VAV3: variants seen among roughly 807,000 people sequenced by gnomAD.
The protein encoded by VAV3 is vav guanine nucleotide exchange factor 3, also known as guanine nucleotide exchange factor VAV3.
A neutral mutation model predicts 131.2 loss-of-function variants in VAV3; 94 were observed. That is an observed-to-expected ratio of 0.72 (90% CI 0.61 to 0.85). VAV3 has a LOEUF of 0.85. Ranked by LOEUF, VAV3 falls within the 40% of genes least tolerant of loss-of-function variation. The probability of loss-of-function intolerance (pLI) is 0.00; values close to 1 mark genes in which losing one functional copy is unlikely to be tolerated. For missense variants in VAV3, 939 were observed against 1,002.7 expected (o/e 0.94, Z 0.86); for synonymous variants, 349 against 342.0 (o/e 1.02, Z -0.22).
intron 15 of VAV3, among the ~76,000 whole-genome samples, chr1:107,741,311 G>T (rs546715467): frequency 2.6e-5 from 4 of 152,340 alleles, no homozygotes; most frequent in African/African-American, 9.6e-5. Flanking sequence ...ATTTTGAATT[G>T]CTGGGTAACA....
At chr1:107,743,438 A>C (rs991054811) in intron 15 of VAV3, among the ~76,000 whole-genome samples, 9 of 152,208 alleles carry the variant, frequency 5.9e-5, no homozygotes, top group Non-Finnish European at 1.2e-4. Context: ...TTGATCCTTA[A>C]GTAAATGGGG....
chr1:107,899,389 A>G (rs1452878552), intron 1 of VAV3, among the ~76,000 whole-genome samples: 1 of 152,174 alleles, frequency 6.6e-6, no homozygotes, highest in Non-Finnish European at 1.5e-5. Flanking sequence ...AAGGTGCTGA[A>G]TAAGATGTGG....
chr1:107,655,063 C>T (rs536290694), intron 19 of VAV3, among the ~76,000 whole-genome samples: 22 of 151,912 alleles, frequency 1.4e-4, no homozygotes, highest in Non-Finnish European at 3.1e-4. Context: ...TTTATTTCTG[C>T]CTCATTTCTC....
chr1:107,577,042 A>G (rs1474662522), intron 25 of VAV3, among the ~76,000 whole-genome samples: 2 of 152,198 alleles, frequency 1.3e-5, no homozygotes, highest in Non-Finnish European at 2.9e-5. Context: ...CATCCTCCAC[A>G]TTGTAGAGAT....
chr1:107,848,086 G>A (rs762614996), intron 2 of VAV3, among the ~76,000 whole-genome samples: 23 of 152,048 alleles, frequency 1.5e-4, no homozygotes, highest in Non-Finnish European at 2.6e-4. Context: ...GGCTGAGGAG[G>A]GTGAATTGCA....
intron 1 of VAV3, among the ~76,000 whole-genome samples, chr1:107,950,266 A>T (rs1674471906): frequency 6.6e-6 from 1 of 152,250 alleles, no homozygotes; most frequent in Non-Finnish European, 1.5e-5. Context: ...ATCAGAAGGC[A>T]AAAATGTGCA....
chr1:107,873,282 T>C (rs1670334233), intron 2 of VAV3, among the ~76,000 whole-genome samples: 1 of 152,160 alleles, frequency 6.6e-6, no homozygotes, highest in Admixed American at 6.6e-5. Context: ...AACACCACCA[T>C]GCATTTTAAA....
intron 1 of VAV3, among the ~76,000 whole-genome samples, chr1:107,932,804 A>G (rs1383453026): frequency 6.6e-6 from 1 of 152,364 alleles, no homozygotes; most frequent in East Asian, 1.9e-4. Flanking sequence ...AAGGGGCCAC[A>G]GGGCAAAGAA....
chr1:107,705,098 T>A, intron 15 of VAV3, 37 bp from the exon 16 acceptor site: 1 of 1,520,736 alleles, frequency 6.6e-7, no homozygotes, highest in Non-Finnish European at 9.0e-7. Context: ...TATAGAAAGT[T>A]TCACAACAAA....
intron 1 of VAV3, among the ~76,000 whole-genome samples, chr1:107,895,262 C>A (rs886969749): frequency 7.9e-5 from 12 of 152,258 alleles, no homozygotes; most frequent in Admixed American, 7.8e-4. Context: ...GAACAAAAAT[C>A]AATATTATTT....
chr1:107,757,192 C>T, intron 11 of VAV3, 69 bp downstream of exon 11: 1 of 925,262 alleles, frequency 1.1e-6, no homozygotes, highest in Non-Finnish European at 1.7e-6. Flanking sequence ...TGTGTGTATG[C>T]AATTTGAATT....
chr1:107,926,010 C>T lies in VAV3; in HGVS notation c.204+38656G>A, dbSNP rs149508554. Among the ~76,000 whole-genome samples, 1,092 of 151,644 alleles carry T rather than the reference C, an allele frequency of 7.2e-3. 20 individuals carry two copies. The highest frequency in any genetic ancestry group is 0.025 in the African/African-American group (1,027 of 41,326). On this transcript the variant is annotated intron_variant, in intron 1 of 26. Transcript: ENST00000370056. ...ACAAGAATCAACAAGGGGCCAGGTG[C>T]GGTGGCTGCCTGTAATCTCAGCACT...
chr1:107,692,858 C>A (rs1659512033), intron 17 of VAV3, among the ~76,000 whole-genome samples: 1 of 152,128 alleles, frequency 6.6e-6, no homozygotes, highest in African/African-American at 2.4e-5. Flanking sequence ...TGCATTATAC[C>A]AAAGTCGTTT....
chr1:107,854,349 C>T (rs1321485066), intron 2 of VAV3, among the ~76,000 whole-genome samples: 1 of 152,064 alleles, frequency 6.6e-6, no homozygotes, highest in African/African-American at 2.4e-5. Flanking sequence ...GGTTAACAGA[C>T]ATAAGCCGAC....
intron 25 of VAV3, among the ~76,000 whole-genome samples, chr1:107,581,251 C>T (rs1650029783): frequency 6.6e-6 from 1 of 152,182 alleles, no homozygotes; most frequent in African/African-American, 2.4e-5. Flanking sequence ...TCCATATTAG[C>T]ATAGGCAAGG....
intron 15 of VAV3, among the ~76,000 whole-genome samples, chr1:107,736,865 A>T (rs376679089): frequency 6.6e-6 from 1 of 152,206 alleles, no homozygotes; most frequent in Non-Finnish European, 1.5e-5. Context: ...TTTAAAGTTC[A>T]TATGGAAACA....
chr1:107,631,265 T>C (rs980340472), intron 20 of VAV3, among the ~76,000 whole-genome samples: 1 of 152,002 alleles, frequency 6.6e-6, no homozygotes, highest in Non-Finnish European at 1.5e-5. Flanking sequence ...TACAATTTTA[T>C]CACTAAACCT....
chr1:107,658,697 C>A (rs1185187921), intron 19 of VAV3, among the ~76,000 whole-genome samples: 1 of 152,062 alleles, frequency 6.6e-6, no homozygotes, highest in Non-Finnish European at 1.5e-5. Context: ...CTCTGATGGC[C>A]AGTGATGATG....
At chr1:107,661,254 G>A (rs781520719) in intron 19 of VAV3, among the ~76,000 whole-genome samples, 4 of 151,640 alleles carry the variant, frequency 2.6e-5, no homozygotes, top group Non-Finnish European at 4.4e-5. Flanking sequence ...CCTTCACGGG[G>A]CAGCTCTGTG....
Sources: gnomAD v4.1 joint callset for allele counts (sites outside exome capture counted in the v4.1 genomes callset) on GRCh38, gnomAD v4.1.1 for gene constraint, MANE v1.5 for transcripts, NCBI Gene and HGNC (gene_info 2026-07-23, HGNC 2026-07-21) for gene names.